TLR3: variants seen among roughly 807,000 people sequenced by gnomAD.
The protein encoded by TLR3 is toll like receptor 3.
In TLR3, 43 loss-of-function variants were observed where a neutral mutation model predicts 66.4. That is an observed-to-expected ratio of 0.65 (90% CI 0.51 to 0.83). The LOEUF is 0.83. TLR3 is among the 40% of genes least tolerant of loss of function. The probability of loss-of-function intolerance (pLI) is 0.00; values close to 1 mark genes in which losing one functional copy is unlikely to be tolerated. For missense variants in TLR3, 982 were observed against 1,044.6 expected (o/e 0.94, Z 0.83); for synonymous variants, 397 against 397.2 (o/e 1.00, Z 0.01).
rs2099302904 is a variant in TLR3 at position 186,078,820 on chromosome 4, A to G, written c.442-20A>G. On this transcript the variant is annotated intron_variant, in intron 2 of 4. Coordinates refer to ENST00000296795, the MANE Select transcript of TLR3 (RefSeq NM_003265.3). ...TTGACAGCAAGACTCTAACATATGC[A>G]TATTATTTTTTCCCTTCAGAATTTA... is the stretch of plus-strand genomic sequence containing the variant. 1 of 1,605,012 alleles carries G rather than the reference A, an allele frequency of 6.2e-7. No individual in the cohort carries two copies. Among genetic ancestry groups the G allele is most frequent in the Non-Finnish European group, 8.5e-7 (1 of 1,172,294 alleles).
Position 186,083,300 on chromosome 4 carries a change from G to A in TLR3, c.1614G>A (p.Gln538=), listed in dbSNP as rs763770806. 4 of 1,614,160 alleles carry A rather than the reference G, an allele frequency of 2.5e-6. No homozygotes were observed. Among genetic ancestry groups the A allele is most frequent in the Non-Finnish European group, 3.4e-6 (4 of 1,180,032 alleles). ...GLEKLEILDL[Q]HNNLARLWKH... is the part of the protein sequence containing the mutation. ...AGAAACTAGAAATTCTCGATTTGCAGCATAACAACTTAGCACGGCTCTGGA... is the reference window on the plus strand; with the variant it reads ...AGAAACTAGAAATTCTCGATTTGCAACATAACAACTTAGCACGGCTCTGGA... Residue 538 remains glutamine (Q), a synonymous_variant, in exon 4 of 5, where the codon CAG becomes CAA. Coordinates refer to ENST00000296795, the MANE Select transcript of TLR3 (RefSeq NM_003265.3). The surrounding 1 kb of genome is among the most constrained non-coding windows in gnomAD (Gnocchi z 4.0).
chr4:186,075,109 C>T (rs1370339517), intron 1 of TLR3, among the ~76,000 whole-genome samples: 2 of 152,106 alleles, frequency 1.3e-5, no homozygotes, highest in African/African-American at 4.8e-5. Context: ...AAATCAGTAA[C>T]ATTCATTTAT....
chr4:186,084,530 A>C, intron 4 of TLR3, 115 bp from the exon 5 acceptor site: 4 of 663,122 alleles, frequency 6.0e-6, no homozygotes, highest in South Asian at 2.1e-5. Context: ...TAAAATTAAG[A>C]AAAAAAAAAC....
At chr4:186,073,079 G>T (rs1390456427) in intron 1 of TLR3, among the ~76,000 whole-genome samples, 1 of 152,268 alleles carries the variant, frequency 6.6e-6, no homozygotes, top group East Asian at 1.9e-4. Flanking sequence ...AAAGTAATCC[G>T]AACAATGTGG....
At chr4:186,071,507 A>G (rs747762439) in intron 1 of TLR3, among the ~76,000 whole-genome samples, 2 of 152,228 alleles carry the variant, frequency 1.3e-5, no homozygotes, top group Non-Finnish European at 2.9e-5. Context: ...GAGAGGTATC[A>G]TTGCCAGCCC....
chr4:186,083,765 A>C lies in TLR3; in HGVS notation c.2079A>C (p.Thr693=), dbSNP rs1362142505. ...YHGFPVRLFD[T]SSCKDSAPFE... is the part of the protein sequence containing the mutation. ...GGTTCCCAGTGAGACTTTTTGATAC[A>C]TCATCTTGCAAAGACAGTGCCCCCT... is the stretch of plus-strand genomic sequence containing the variant. The change falls in exon 4 of 5, where the codon ACA becomes ACC. Residue 693 remains threonine, a synonymous_variant. Coordinates refer to ENST00000296795, the MANE Select transcript of TLR3 (RefSeq NM_003265.3). The surrounding 1 kb of genome is among the most constrained non-coding windows in gnomAD (Gnocchi z 4.0). 1 of 1,613,982 alleles carries C rather than the reference A, an allele frequency of 6.2e-7. No homozygotes were observed. The highest frequency in any genetic ancestry group is 8.5e-7 in the Non-Finnish European group (1 of 1,179,960).
At position 186,083,353 on chromosome 4, in the gene TLR3, A is replaced by G. The variant is rs751421740; in HGVS notation, c.1667A>G (p.Tyr556Cys). Residue 556 changes from tyrosine to cysteine, a missense_variant, in exon 4 of 5, where the codon TAT (tyrosine) becomes TGT (cysteine). By Grantham distance (194) the Tyr-to-Cys change is radical. Around this residue, in one of 3 missense-constraint regions of TLR3, gnomAD observed 666 missense variants for 709.0 expected, o/e 0.94. Coordinates refer to ENST00000296795, the MANE Select transcript of TLR3 (RefSeq NM_003265.3). The surrounding 1 kb of genome is among the most constrained non-coding windows in gnomAD (Gnocchi z 4.0). The stretch of plus-strand genomic sequence containing the variant: ...CACGCAAACCCTGGTGGTCCCATTT[A>G]TTTCCTAAAGGGTCTGTCTCACCTC... ...WKHANPGGPI[Y>C]FLKGLSHLHI... 4 of 1,614,150 alleles carry G rather than the reference A, an allele frequency of 2.5e-6. No individual in the cohort carries two copies. The highest frequency in any genetic ancestry group is 3.4e-6 in the Non-Finnish European group (4 of 1,180,024).
In TLR3 at chr4:186,082,885, C is replaced by T; in HGVS notation, c.1199C>T (p.Thr400Ile). The part of the protein sequence containing the change: ...FTSLRTLTNE[T>I]FVSLAHSPLH... The stretch of plus-strand genomic sequence containing the variant: ...AGTTTGCGAACTTTGACAAATGAAA[C>T]ATTTGTATCACTTGCTCATTCTCCC... The change falls in exon 4 of 5, where the codon ACA becomes ATA. Residue 400 changes from threonine to isoleucine, a missense_variant. By Grantham distance (89) the Thr-to-Ile change is moderately conservative. Transcript: ENST00000296795. 2 of 1,613,742 alleles carry T rather than the reference C, an allele frequency of 1.2e-6. No homozygotes were observed. The highest frequency in any genetic ancestry group is 1.1e-5 in the South Asian group (1 of 91,028).
At chr4:186,072,088 A>G (rs2150065292) in intron 1 of TLR3, among the ~76,000 whole-genome samples, 1 of 152,358 alleles carries the variant, frequency 6.6e-6, no homozygotes, top group Non-Finnish European at 1.5e-5. Flanking sequence ...GCATTCTCAC[A>G]TTGCTCTACA....
At chr4:186,075,928 G>A (rs1245042745) in intron 1 of TLR3, among the ~76,000 whole-genome samples, 1 of 152,144 alleles carries the variant, frequency 6.6e-6, no homozygotes, top group Non-Finnish European at 1.5e-5. Context: ...GGCTGAAGTG[G>A]GCAGATCATG....
In TLR3 at chr4:186,086,944, G is replaced by A. The variant is rs2150068784; in HGVS notation, c.*2071G>A. 1 of 152,230 alleles carries A rather than the reference G, an allele frequency of 6.6e-6. No individual in the cohort carries two copies. Among genetic ancestry groups the A allele is most frequent in the Admixed American group, 6.5e-5 (1 of 15,282 alleles). 9.4% of individuals were successfully genotyped at this position (152,230 alleles called of 1,614,324 possible). ...GGCCCGAGCAAGCAGCTCAAAAGCC[G>A]GGTTACAGGATTTTCTGGGGTTTAA... On this transcript the variant is annotated 3_prime_UTR_variant, in exon 5 of 5. Transcript: ENST00000296795.
intron 2 of TLR3, among the ~76,000 whole-genome samples, 187 bp downstream of exon 2, chr4:186,077,247 A>C (rs1039944625): frequency 2.0e-5 from 3 of 152,194 alleles, no homozygotes; most frequent in African/African-American, 7.2e-5. Flanking sequence ...TTTCATCCTT[A>C]ATTTTCAATG....
chr4:186,083,948 T>C lies in TLR3; in HGVS notation c.2262T>C (p.Phe754=). 6.2e-7 allele frequency: 1 copy of C among 1,614,164 alleles called. No individual in the cohort carries two copies. The change falls in exon 4 of 5, where the codon TTT becomes TTC. Residue 754 remains phenylalanine (F), a synonymous_variant. Transcript: ENST00000296795. The surrounding 1 kb of genome is among the most constrained non-coding windows in gnomAD (Gnocchi z 4.0). ...FKEIDRQTEQ[F]EYAAYIIHAY... ...AAATAGACAGACAGACAGAACAGTT[T>C]GAATATGCAGCATATATAATTCATG...
At position 186,084,942 on chromosome 4, in the gene TLR3, G is replaced by A. The variant is rs2099304127; in HGVS notation, c.*69G>A. On this transcript the variant is annotated 3_prime_UTR_variant, in exon 5 of 5. Transcript: ENST00000296795. ...TTAAAAAGTTCTATGGCAAATTTAAGTTTTCCATAAAGGTGTTATAATTTG... is the reference window on the plus strand; with the variant it reads ...TTAAAAAGTTCTATGGCAAATTTAAATTTTCCATAAAGGTGTTATAATTTG... 4 of 1,281,040 alleles carry A rather than the reference G, an allele frequency of 3.1e-6. No individual in the cohort carries two copies. The highest frequency in any genetic ancestry group is 1.5e-5 in the African/African-American group (1 of 67,020). 79.4% of individuals were successfully genotyped at this position (1,281,040 alleles called of 1,614,324 possible).
In TLR3 at chr4:186,083,782, G is replaced by T. The variant is rs2099303924; in HGVS notation, c.2096G>T (p.Ser699Ile). 1 of 1,613,932 alleles carries T rather than the reference G, an allele frequency of 6.2e-7. No individual in the cohort carries two copies. The highest frequency in any genetic ancestry group is 1.7e-5 in the Admixed American group (1 of 59,978). ...TTTGATACATCATCTTGCAAAGACA[G>T]TGCCCCCTTTGAACTCTTTTTCATG... is the stretch of plus-strand genomic sequence containing the variant. The part of the protein sequence containing the change: ...RLFDTSSCKD[S>I]APFELFFMIN... The change falls in exon 4 of 5, where the codon AGT becomes ATT. Residue 699 changes from serine to isoleucine, a missense_variant. Coordinates refer to ENST00000296795, the MANE Select transcript of TLR3 (RefSeq NM_003265.3). This position sits in a 1 kb window ranked among gnomAD's most constrained non-coding sequence, Gnocchi z 4.0.
Position 186,084,757 on chromosome 4 carries a change from C to G in TLR3, c.2599C>G (p.Arg867Gly). 1.2e-6 allele frequency: 2 copies of G among 1,613,860 alleles called. 1 individual carries two copies. Reference sequence around the variant, plus strand: ...TAAACTGAACCATGCACTCTGTTTGCGAAGAGGAATGTTTAAATCTCACTG... The same window carrying G: ...TAAACTGAACCATGCACTCTGTTTGGGAAGAGGAATGTTTAAATCTCACTG... ...DYKLNHALCL[R>G]RGMFKSHCIL... The change falls in exon 5 of 5, where the codon CGA becomes GGA. Residue 867 changes from arginine to glycine, a missense_variant. Physicochemically the swap from Arg to Gly is moderately radical, Grantham distance 125. Coordinates refer to ENST00000296795, the MANE Select transcript of TLR3 (RefSeq NM_003265.3).
rs2099302835 is a variant in TLR3, at chr4:186,078,493, G to C, written c.442-347G>C. Among the ~76,000 whole-genome samples, 3 of 152,074 alleles carry C rather than the reference G, an allele frequency of 2.0e-5. No homozygotes were observed. In the South Asian group the frequency reaches 6.2e-4, roughly 32 times the overall value. ...TTGATAAGCCATGTGAAAATTTCTT[G>C]CATCATAAGTAAAAGGTTATGATAA... On this transcript the variant is annotated intron_variant, in intron 2 of 4. Transcript: ENST00000296795.
chr4:186,082,776 G>A lies in TLR3; in HGVS notation c.1090G>A (p.Asp364Asn), dbSNP rs761796045. The change falls in exon 4 of 5, where the codon GAT becomes AAT. Residue 364 changes from aspartate to asparagine, a missense_variant. Around this residue, in one of 3 missense-constraint regions of TLR3, gnomAD observed 666 missense variants for 709.0 expected, o/e 0.94. Transcript: ENST00000296795. ...ATGTTTGGAGCACCTTAACATGGAA[G>A]ATAATGATATTCCAGGCATAAAAAG... ...LKCLEHLNME[D>N]NDIPGIKSNM... 3.7e-6 allele frequency: 6 copies of A among 1,613,874 alleles called. No homozygotes were observed. The East Asian group carries it at 1.3e-4, about 36-fold the overall frequency.
chr4:186,072,290 A>G (rs2099301612), intron 1 of TLR3, among the ~76,000 whole-genome samples: 2 of 152,178 alleles, frequency 1.3e-5, no homozygotes, highest in African/African-American at 4.8e-5. Flanking sequence ...GGAAGGTGCC[A>G]CACACTTTTA....
Sources: gnomAD v4.1 joint callset for allele counts (sites outside exome capture counted in the v4.1 genomes callset) on GRCh38, gnomAD v4.1.1 for gene constraint, gnomAD v4.1.1 regional missense constraint, Gnocchi (gnomAD v3.1) non-coding constraint, MANE v1.5 for transcripts, NCBI Gene and HGNC (gene_info 2026-07-23, HGNC 2026-07-21) for gene names.